DLG2: variants seen among roughly 807,000 people sequenced by gnomAD.
DLG2 encodes the protein discs large MAGUK scaffold protein 2.
Under a neutral mutation model 132.5 loss-of-function variants are expected in DLG2, and 45 were observed. The observed-to-expected ratio is 0.34, with a 90% CI of 0.27 to 0.44. The LOEUF (loss-of-function observed/expected upper bound fraction) is 0.44, where lower values mean the gene tolerates loss of function less well. Ranked by LOEUF, DLG2 falls within the 20% of genes least tolerant of loss-of-function variation. The probability of loss-of-function intolerance (pLI) is 1.00; values close to 1 mark genes in which losing one functional copy is unlikely to be tolerated. For synonymous variants in DLG2, 424 were observed against 419.6 expected (o/e 1.01, Z -0.13); for missense variants, 1,045 against 1,196.9 (o/e 0.87, Z 1.87).
chr11:85,014,667 C>A (rs1334908241), intron 6 of DLG2, among the ~76,000 whole-genome samples: 1 of 152,112 alleles, frequency 6.6e-6, no homozygotes, highest in African/African-American at 2.4e-5. Flanking sequence ...AAGAAGAGAA[C>A]TGGTAAGTAA....
chr11:85,340,136 T>A (rs2082385459), intron 3 of DLG2, among the ~76,000 whole-genome samples: 1 of 152,208 alleles, frequency 6.6e-6, no homozygotes, highest in South Asian at 2.1e-4. Flanking sequence ...ATCCCATTAC[T>A]TGGTATATAC....
intron 11 of DLG2, among the ~76,000 whole-genome samples, chr11:84,043,778 T>C (rs2096165684): frequency 6.6e-6 from 1 of 151,790 alleles, no homozygotes. Flanking sequence ...ACATCTATTT[T>C]TTCTTCCTAT....
At chr11:85,586,767 G>T (rs1294912940) in intron 3 of DLG2, among the ~76,000 whole-genome samples, 2 of 151,980 alleles carry the variant, frequency 1.3e-5, no homozygotes, top group African/African-American at 4.8e-5. Flanking sequence ...TGTTTCTCTA[G>T]TTCCTTCAGG....
At chr11:84,567,640 T>G (rs183369657) in intron 6 of DLG2, among the ~76,000 whole-genome samples, 1 of 152,338 alleles carries the variant, frequency 6.6e-6, no homozygotes, top group African/African-American at 2.4e-5. Flanking sequence ...TACAAACTCT[T>G]TGAAAGTAGC....
chr11:84,731,433 T>A (rs891542005), intron 6 of DLG2, among the ~76,000 whole-genome samples: 4 of 151,810 alleles, frequency 2.6e-5, no homozygotes, highest in Admixed American at 2.6e-4. Context: ...AGAGCATATA[T>A]AGGGGAATCT....
intron 11 of DLG2, among the ~76,000 whole-genome samples, chr11:84,010,207 A>G (rs539357883): frequency 6.6e-6 from 1 of 152,208 alleles, no homozygotes; most frequent in African/African-American, 2.4e-5. Flanking sequence ...TTAGATCTAT[A>G]TAAAGATTTC....
chr11:84,158,791 T>C (rs1459954075), intron 9 of DLG2, among the ~76,000 whole-genome samples: 2 of 151,496 alleles, frequency 1.3e-5, no homozygotes, highest in African/African-American at 4.9e-5. Flanking sequence ...TTAGATTAAG[T>C]TGTTTGTTGA....
At chr11:84,952,880 T>G (rs1012092009) in intron 6 of DLG2, among the ~76,000 whole-genome samples, 1 of 152,224 alleles carries the variant, frequency 6.6e-6, no homozygotes, top group African/African-American at 2.4e-5. Context: ...ATTCCAAACT[T>G]AAAGTCACTA....
chr11:83,604,695 G>T (rs1165375310), intron 19 of DLG2, among the ~76,000 whole-genome samples: 1 of 152,138 alleles, frequency 6.6e-6, no homozygotes, highest in East Asian at 1.9e-4. Flanking sequence ...CGTAACACAT[G>T]TGCCACTCAG....
At position 84,251,268 on chromosome 11, in the gene DLG2, G is replaced by A. The variant is rs768788551; in HGVS notation, c.543C>T (p.Val181=). Residue 181 remains valine, a synonymous_variant, in exon 8 of 28, where the codon GTC becomes GTT. Coordinates refer to ENST00000376104, the MANE Select transcript of DLG2 (RefSeq NM_001142699.3). ...GAATTGTGTCCAAAGTATCTGTGTT[G>A]ACAATTATAGGAGCAGGACTGGCCT... ...PLKASPAPII[V]NTDTLDTIPY... is the part of the protein sequence containing the mutation. 1.3e-5 allele frequency: 20 copies of A among 1,591,036 alleles called. No homozygotes were observed. The highest frequency in any genetic ancestry group is 1.5e-5 in the Non-Finnish European group (18 of 1,171,212).
chr11:83,463,535 TC>T (rs1370414112), intron 26 of DLG2, among the ~76,000 whole-genome samples: 66 of 152,188 alleles, frequency 4.3e-4, no homozygotes, highest in Non-Finnish European at 5.9e-5. Flanking sequence ...ACGTCTGTAA[TC>T]CCAACACCTT....
At chr11:85,263,843 G>A (rs1422486323) in intron 4 of DLG2, among the ~76,000 whole-genome samples, 6 of 152,188 alleles carry the variant, frequency 3.9e-5, no homozygotes, top group Admixed American at 2.0e-4. Flanking sequence ...GCATCTGGCT[G>A]AAGCTGACAT....
At chr11:84,226,798 C>G (rs2097002484) in intron 8 of DLG2, among the ~76,000 whole-genome samples, 1 of 151,850 alleles carries the variant, frequency 6.6e-6, no homozygotes, top group Non-Finnish European at 1.5e-5. Context: ...TTTAATGTGC[C>G]TTGGAATGAC....
intron 9 of DLG2, among the ~76,000 whole-genome samples, chr11:84,138,831 C>T (rs1184389037): frequency 6.6e-6 from 1 of 151,836 alleles, no homozygotes; most frequent in African/African-American, 2.4e-5. Flanking sequence ...TGCCTGTAAT[C>T]CCAGTTACTG....
chr11:83,512,059 A>C (rs1335572678), intron 21 of DLG2, among the ~76,000 whole-genome samples: 1 of 152,186 alleles, frequency 6.6e-6, no homozygotes, highest in Non-Finnish European at 1.5e-5. Flanking sequence ...GGAGGGAGCC[A>C]GGGGAAGCTG....
intron 6 of DLG2, among the ~76,000 whole-genome samples, chr11:85,009,075 A>G (rs547341509): frequency 2.2e-4 from 34 of 152,160 alleles, no homozygotes; most frequent in African/African-American, 8.2e-4. Context: ...ATAGAAATTA[A>G]TAAGAGAGTT....
intron 18 of DLG2, among the ~76,000 whole-genome samples, chr11:83,641,162 T>C (rs183966328): frequency 3.2e-4 from 49 of 152,290 alleles, no homozygotes; most frequent in African/African-American, 1.0e-3. Context: ...ACTCTTCTGA[T>C]TTCACAAGCT....
chr11:84,963,836 A>G (rs189444811), intron 6 of DLG2, among the ~76,000 whole-genome samples: 21 of 152,278 alleles, frequency 1.4e-4, no homozygotes, highest in Non-Finnish European at 2.2e-4. Flanking sequence ...TCTGAACTGA[A>G]AGAAAACTTA....
At chr11:85,425,935 AC>A (rs1270515722) in intron 3 of DLG2, among the ~76,000 whole-genome samples, 1 of 152,210 alleles carries the variant, frequency 6.6e-6, no homozygotes, top group East Asian at 1.9e-4. Context: ...GGTCACTCCC[AC>A]CCTAATACTG....
Sources: gnomAD v4.1 joint callset for allele counts (sites outside exome capture counted in the v4.1 genomes callset) on GRCh38, gnomAD v4.1.1 for gene constraint, MANE v1.5 for transcripts, NCBI Gene and HGNC (gene_info 2026-07-23, HGNC 2026-07-21) for gene names.